MTF1: variants seen among roughly 807,000 people sequenced by gnomAD.
MTF1 encodes the protein metal regulatory transcription factor 1.
Under a neutral mutation model 70.4 loss-of-function variants are expected in MTF1, and 22 were observed. The ratio of observed to expected loss-of-function variants is 0.31; its 90% CI spans 0.22 to 0.45. MTF1 has a LOEUF of 0.45. Ranked by LOEUF, MTF1 falls within the 20% of genes least tolerant of loss-of-function variation. The pLI is 1.00. For missense variants in MTF1, 649 were observed against 922.0 expected (o/e 0.70, Z 3.83); for synonymous variants, 333 against 352.8 (o/e 0.94, Z 0.63).
At chr1:37,834,916 G>C (rs180876686) in intron 6 of MTF1, among the ~76,000 whole-genome samples, 163 bp downstream of exon 6, 1 of 152,322 alleles carries the variant, frequency 6.6e-6, no homozygotes, top group Admixed American at 6.5e-5. Context: ...TGAAGACGTC[G>C]AGTAGGTGGT....
At chr1:37,825,523 C>T (rs1313385316) in intron 7 of MTF1, among the ~76,000 whole-genome samples, 1 of 152,224 alleles carries the variant, frequency 6.6e-6, no homozygotes, top group East Asian at 1.9e-4. Flanking sequence ...AGGTGTGAGC[C>T]ACCACATCAG....
rs746478428 is a variant in MTF1 at position 37,838,797 on chromosome 1, CTTTTTT to C, written c.648-47_648-42del. The C allele has an allele frequency of 2.4e-3, 1,139 of 474,478 alleles. 3 individuals are homozygous for C. Among genetic ancestry groups the C allele is most frequent in the South Asian group, 3.7e-3 (114 of 31,228 alleles). 29.4% of individuals were successfully genotyped at this position (474,478 alleles called of 1,614,324 possible). A position where few individuals can be genotyped will look rare whatever the true frequency, so the allele number is the denominator to read the frequency against. ...GAAAAATTCCCTTTGTCATAAAATT[CTTTTTT>C]TTTTTTTTTTTTTTTTCTGAGACAG... On this transcript the variant is annotated intron_variant, in intron 3 of 10. Coordinates refer to ENST00000373036, the MANE Select transcript of MTF1 (RefSeq NM_005955.3).
chr1:37,826,176 A>C (rs1640998509), intron 7 of MTF1, among the ~76,000 whole-genome samples: 1 of 152,360 alleles, frequency 6.6e-6, no homozygotes, highest in African/African-American at 2.4e-5. Flanking sequence ...CAGAACTCAG[A>C]AGGATCACTT....
In MTF1 at chr1:37,810,262, T is replaced by C. The variant is rs1167063647; in HGVS notation, c.*4874A>G. 1 of 152,376 alleles carries C rather than the reference T, an allele frequency of 6.6e-6. No individual in the cohort carries two copies. The highest frequency in any genetic ancestry group is 1.5e-5 in the Non-Finnish European group (1 of 68,024). The allele number at this position is 152,376 out of a possible 1,614,324, so 9.4% of individuals were successfully genotyped here. On this transcript the variant is annotated 3_prime_UTR_variant, in exon 11 of 11. Coordinates refer to ENST00000373036, the MANE Select transcript of MTF1 (RefSeq NM_005955.3). The stretch of plus-strand genomic sequence containing the variant: ...TGGTGCAAAAAGGTTTTATGAAAAA[T>C]TTTCCCATAAGAAAAAGTAGAAACT...
chr1:37,826,652 T>C, intron 7 of MTF1: 1 of 434,110 alleles, frequency 2.3e-6, no homozygotes. Flanking sequence ...ATTTCAGTGA[T>C]CCTGATTGCC....
chr1:37,840,222 C>T lies in MTF1; in HGVS notation c.409-64G>A. On this transcript the variant is annotated intron_variant, in intron 2 of 10. Coordinates refer to ENST00000373036, the MANE Select transcript of MTF1 (RefSeq NM_005955.3). This position sits in a 1 kb window ranked among gnomAD's most constrained non-coding sequence, Gnocchi z 4.5. ...GCTGCCCAGGGCTTAACTCCCCCAC[C>T]CAGAGCTCAGCTCCCAAGAGATGCT... The T allele has an allele frequency of 7.0e-7, 1 of 1,438,036 alleles. No individual in the cohort carries two copies. Among genetic ancestry groups the T allele is most frequent in the Non-Finnish European group, 9.8e-7 (1 of 1,025,384 alleles). The allele number at this position is 1,438,036 out of a possible 1,614,324, so 89.1% of individuals were successfully genotyped here.
At chr1:37,821,111 G>A (rs983004657) in intron 9 of MTF1, among the ~76,000 whole-genome samples, 17 of 152,074 alleles carry the variant, frequency 1.1e-4, no homozygotes, top group Admixed American at 4.6e-4. Flanking sequence ...AAGAGGTGGA[G>A]GTTGTAGTGA....
chr1:37,820,025 G>A (rs1389361446), intron 9 of MTF1, among the ~76,000 whole-genome samples: 1 of 142,514 alleles, frequency 7.0e-6, no homozygotes, highest in Non-Finnish European at 1.5e-5. Context: ...GAAAATGGAT[G>A]ACTTGTTTCA....
At chr1:37,835,021 CACAA>C in intron 6 of MTF1, 54 bp downstream of exon 6, 1 of 1,575,726 alleles carries the variant, frequency 6.3e-7, no homozygotes, top group Non-Finnish European at 8.7e-7. Flanking sequence ...GATTGTGATA[CACAA>C]ACAACTGTTG....
chr1:37,838,757 C>A lies in MTF1; in HGVS notation c.648-1G>T. On this transcript the variant is annotated splice_acceptor_variant, in intron 3 of 10. Transcript: ENST00000373036. LOFTEE classifies it high-confidence loss of function. ...GTGAAGCCTCTGATGTGCTTTCAGC[C>A]TGCAAAATATTCCAGAAAAATTCCC... The A allele has an allele frequency of 6.7e-7, 1 of 1,482,464 alleles. No homozygotes were observed. The highest frequency in any genetic ancestry group is 1.3e-5 in the South Asian group (1 of 79,604). 91.8% of individuals were successfully genotyped at this position (1,482,464 alleles called of 1,614,324 possible). A position where few individuals can be genotyped will look rare whatever the true frequency, so the allele number is the denominator to read the frequency against.
chr1:37,839,850 G>A, intron 3 of MTF1, 70 bp downstream of exon 3: 3 of 1,253,070 alleles, frequency 2.4e-6, no homozygotes, highest in Non-Finnish European at 3.5e-6. Flanking sequence ...TCCTCTGCAA[G>A]GGGAAAGAGC....
intron 7 of MTF1, among the ~76,000 whole-genome samples, chr1:37,828,758 A>C (rs1039112963): frequency 1.3e-5 from 2 of 152,238 alleles, no homozygotes; most frequent in African/African-American, 4.8e-5. Context: ...AAAATGCTGA[A>C]GCCCCTGCCA....
At chr1:37,851,340 C>A (rs946112117) in intron 2 of MTF1, among the ~76,000 whole-genome samples, 1 of 152,194 alleles carries the variant, frequency 6.6e-6, no homozygotes, top group African/African-American at 2.4e-5. Flanking sequence ...ATATCCTTGA[C>A]CCTGTGCTAT....
Position 37,840,289 on chromosome 1 carries a change from A to G in MTF1, c.409-131T>C. On this transcript the variant is annotated intron_variant, in intron 2 of 10. Coordinates refer to ENST00000373036, the MANE Select transcript of MTF1 (RefSeq NM_005955.3). The surrounding 1 kb of genome is among the most constrained non-coding windows in gnomAD (Gnocchi z 4.5). ...GGTTTTCATCATAAACACAGAAAAC[A>G]GCCTCTAGCAGCAAAGTGGAAAAAC... The G allele has an allele frequency of 1.4e-6, 1 of 735,668 alleles. No individual in the cohort carries two copies. 45.6% of individuals were successfully genotyped at this position (735,668 alleles called of 1,614,324 possible).
At chr1:37,825,006 T>C (rs920084059) in intron 7 of MTF1, among the ~76,000 whole-genome samples, 4 of 152,148 alleles carry the variant, frequency 2.6e-5, no homozygotes, top group African/African-American at 9.7e-5. Context: ...ACTACAGTTC[T>C]TCTATCCATG....
In MTF1 at chr1:37,852,352, C is replaced by G. The variant is rs528696389; in HGVS notation, c.408+4899G>C. Among the ~76,000 whole-genome samples the G allele has an allele frequency of 5.9e-5, 9 of 152,322 alleles. No homozygotes were observed. In the East Asian group the frequency reaches 1.7e-3, roughly 29 times the overall value. On this transcript the variant is annotated intron_variant, in intron 2 of 10. Transcript: ENST00000373036. ...ACATTCAATACACTCCTACCAAACT[C>G]TTTAATTACCCCATCAAAACTTTTT... is the stretch of plus-strand genomic sequence containing the variant.
chr1:37,840,310 A>C lies in MTF1; in HGVS notation c.409-152T>G, dbSNP rs768962064. 1.5e-5 allele frequency: 10 copies of C among 662,374 alleles called. No individual in the cohort carries two copies. Among genetic ancestry groups the C allele is most frequent in the Non-Finnish European group, 2.7e-5 (10 of 376,948 alleles). 41.0% of individuals were successfully genotyped at this position (662,374 alleles called of 1,614,324 possible). ...AAACAGCCTCTAGCAGCAAAGTGGA[A>C]AAACCTTATTGTTGATCAAATCATA... On this transcript the variant is annotated intron_variant, in intron 2 of 10. Coordinates refer to ENST00000373036, the MANE Select transcript of MTF1 (RefSeq NM_005955.3). This position sits in a 1 kb window ranked among gnomAD's most constrained non-coding sequence, Gnocchi z 4.5.
chr1:37,845,456 T>C (rs1368633531), intron 2 of MTF1, among the ~76,000 whole-genome samples: 2 of 152,162 alleles, frequency 1.3e-5, no homozygotes, highest in Non-Finnish European at 2.9e-5. Flanking sequence ...GATAGCAAGT[T>C]AGAAAAGGAC....
At chr1:37,858,005 C>T (rs1026858779) in intron 1 of MTF1, among the ~76,000 whole-genome samples, 1 of 140,232 alleles carries the variant, frequency 7.1e-6, no homozygotes, top group African/African-American at 2.5e-5. Flanking sequence ...AGTGAGACCC[C>T]CATCTCTAAT....
Sources: allele counts gnomAD v4.1 joint callset (sites outside exome capture counted in the v4.1 genomes callset), GRCh38; gene constraint gnomAD v4.1.1; non-coding constraint Gnocchi (gnomAD v3.1); transcripts MANE v1.5; gene names NCBI Gene and HGNC (gene_info 2026-07-23, HGNC 2026-07-21).